The following SPEG variants were observed in gnomAD, a reference collection of about 807,000 sequenced individuals.
SPEG encodes striated muscle preferentially expressed protein kinase.
Under a neutral mutation model 300.4 loss-of-function variants are expected in SPEG, and 114 were observed. That is an observed-to-expected ratio of 0.38 (90% CI 0.33 to 0.44). The LOEUF is 0.44. SPEG is among the 20% of genes least tolerant of loss of function. SPEG has a pLI of 1.00. For missense variants in SPEG, 4,201 were observed against 4,586.2 expected (o/e 0.92, Z 2.43); for synonymous variants, 1,964 against 2,018.9 (o/e 0.97, Z 0.73).
Position 219,486,414 on chromosome 2 carries a change from G to A in SPEG, c.7741+937G>A, listed in dbSNP as rs189072885. On this transcript the variant is annotated intron_variant, in intron 31 of 40. Coordinates refer to ENST00000312358, the MANE Select transcript of SPEG (RefSeq NM_005876.5). ...TAAAACTCAGAATAGAGTGGCTGTC[G>A]AGTCTTGCCTCAGCTGGGCTTATAG... 6.3e-3 allele frequency among the ~76,000 whole-genome samples: 963 copies of A among 152,304 alleles called. 11 individuals carry two copies. Among genetic ancestry groups the A allele is most frequent in the African/African-American group, 0.022 (899 of 41,566 alleles).
At position 219,490,738 on chromosome 2, in the gene SPEG, G is replaced by A. The variant is rs770090654; in HGVS notation, c.9167G>A (p.Arg3056Gln). The part of the protein sequence containing the change: ...ELLCGLSDRF[R>Q]YSEDDVATYM... ...CTCCATCCCTGCCCTCCCAGGTTCC[G>A]GTATTCTGAGGATGACGTGGCCACT... The change falls in exon 38 of 41, where the codon CGG (arginine) becomes CAG (glutamine). Residue 3056 changes from arginine (R) to glutamine (Q), a missense_variant. Around this residue, in one of 4 missense-constraint regions of SPEG, gnomAD observed 318 missense variants for 429.5 expected, o/e 0.74. Transcript: ENST00000312358. 3.8e-5 allele frequency: 61 copies of A among 1,614,020 alleles called. No individual in the cohort carries two copies. The highest frequency in any genetic ancestry group is 2.7e-4 in the African/African-American group (20 of 75,042).
In SPEG at chr2:219,473,758, C is replaced by T. The variant is rs1209056523; in HGVS notation, c.4302C>T (p.Ala1434=). Residue 1434 remains alanine, a synonymous_variant, in exon 18 of 41, where the codon GCC becomes GCT. Transcript: ENST00000312358. This position sits in a 1 kb window ranked among gnomAD's most constrained non-coding sequence, Gnocchi z 4.6. The stretch of plus-strand genomic sequence containing the variant: ...GAGGGGCCCTCCTAGAGGCACGGGC[C>T]GGTGTGTACGAGCTGAGCCAGCCAG... ...SCRGALLEAR[A]GVYELSQPDD... 1.2e-5 allele frequency: 20 copies of T among 1,613,810 alleles called. No individual in the cohort carries two copies. The highest frequency in any genetic ancestry group is 3.3e-4 in the Middle Eastern group (2 of 6,084).
chr2:219,436,627 C>T (rs1954726444), intron 1 of SPEG, among the ~76,000 whole-genome samples: 4 of 152,140 alleles, frequency 2.6e-5, no homozygotes, highest in African/African-American at 7.2e-5. Flanking sequence ...GAGAGGGAGC[C>T]GGGCTGGCCT....
In SPEG at chr2:219,464,918, C is replaced by G. The variant is rs1213645160; in HGVS notation, c.2881+310C>G. On this transcript the variant is annotated intron_variant, in intron 9 of 40. Transcript: ENST00000312358. This position sits in a 1 kb window ranked among gnomAD's most constrained non-coding sequence, Gnocchi z 4.5. ...TGCCACTGGCCAAGCTCTCTCTACA[C>G]TCTTCTGAGCCTTTGTCACCCTGCT... The G allele has an allele frequency of 3.1e-6, 1 of 327,758 alleles. No individual in the cohort carries two copies. The highest frequency in any genetic ancestry group is 2.1e-5 in the African/African-American group (1 of 46,964). 20.3% of individuals were successfully genotyped at this position (327,758 alleles called of 1,614,324 possible). A position where few individuals can be genotyped will look rare whatever the true frequency, so the allele number is the denominator to read the frequency against.
At chr2:219,482,110 A>C in intron 28 of SPEG, 1 of 223,188 alleles carries the variant, frequency 4.5e-6, no homozygotes, top group Non-Finnish European at 8.9e-6. Context: ...CTCGGTTCTC[A>C]CTCATTCATC....
At chr2:219,447,723 G>C (rs933177987) in intron 3 of SPEG, among the ~76,000 whole-genome samples, 1 of 151,894 alleles carries the variant, frequency 6.6e-6, no homozygotes, top group African/African-American at 2.4e-5. Flanking sequence ...GCTGGCCCGA[G>C]TCCTGGGGCT....
At chr2:219,462,674 T>C (rs1247899174) in intron 8 of SPEG, among the ~76,000 whole-genome samples, 1 of 152,234 alleles carries the variant, frequency 6.6e-6, no homozygotes, top group Non-Finnish European at 1.5e-5. Flanking sequence ...CCCAGCATTT[T>C]GAGAGGTGAG....
intron 1 of SPEG, 100 bp downstream of exon 1, chr2:219,435,465 G>A (rs1024622809): frequency 1.7e-5 from 22 of 1,267,572 alleles, no homozygotes; most frequent in Non-Finnish European, 2.2e-5. Context: ...TACTGGTTCC[G>A]CCGCCTTCTT....
In SPEG at chr2:219,484,947, C is replaced by G; in HGVS notation, c.7484C>G (p.Thr2495Arg). The change falls in exon 30 of 41, where the codon ACG becomes AGG. Residue 2495 changes from threonine to arginine, a missense_variant. Coordinates refer to ENST00000312358, the MANE Select transcript of SPEG (RefSeq NM_005876.5). ...TPLFGRLRRA[T>R]SEGESLRRLG... ...CTGTTCGGACGGCTTCGCAGGGCCA[C>G]GTCCGAGGGCGAGAGTCTGCGGCGC... 6 of 1,529,438 alleles carry G rather than the reference C, an allele frequency of 3.9e-6. No individual in the cohort carries two copies. Among genetic ancestry groups the G allele is most frequent in the Non-Finnish European group, 5.2e-6 (6 of 1,144,312 alleles). 94.7% of individuals were successfully genotyped at this position (1,529,438 alleles called of 1,614,324 possible).
chr2:219,436,036 T>C (rs1372070302), intron 1 of SPEG, among the ~76,000 whole-genome samples: 1 of 152,206 alleles, frequency 6.6e-6, no homozygotes, highest in Non-Finnish European at 1.5e-5. Context: ...GGCCCTGGAT[T>C]CTGTGTGGTG....
chr2:219,449,453 C>T (rs1274144656), intron 4 of SPEG, among the ~76,000 whole-genome samples, 182 bp downstream of exon 4: 1 of 152,232 alleles, frequency 6.6e-6, no homozygotes, highest in East Asian at 1.9e-4. Context: ...GAAGGATTGT[C>T]AAAGTCCTTG....
chr2:219,465,912 CGTGTGTGT>C (rs1024847502), intron 9 of SPEG: 2 of 685,252 alleles, frequency 2.9e-6, no homozygotes, highest in Non-Finnish European at 5.0e-6. Flanking sequence ...TGTGTGCATG[CGTGTGTGT>C]GTGCGCGCGT....
In SPEG at chr2:219,468,865, C is replaced by T. The variant is rs56334571; in HGVS notation, c.3308C>T (p.Pro1103Leu). ...CCACCCCTCCTTTCTGCAGGCTGCC[C>T]CATGGAGGAGAGTGAGAACTTGCGG... ...PVVTWTHFGC[P>L]MEESENLRLR... The change falls in exon 12 of 41, where the codon CCC becomes CTC. Residue 1103 changes from proline (P) to leucine (L), a missense_variant. Pro to Leu is a moderately conservative substitution (Grantham distance 98). This residue lies in a region of SPEG where 1,047 missense variants were observed against 1,356.8 expected (regional missense o/e 0.77). Coordinates refer to ENST00000312358, the MANE Select transcript of SPEG (RefSeq NM_005876.5). 1.2e-3 allele frequency: 1,923 copies of T among 1,612,192 alleles called. 10 individuals are homozygous for T. Among genetic ancestry groups the T allele is most frequent in the Non-Finnish European group, 7.5e-4 (880 of 1,179,012 alleles).
At position 219,468,988 on chromosome 2, in the gene SPEG, A is replaced by T. The variant is rs1691628865; in HGVS notation, c.3431A>T (p.Gln1144Leu). The T allele has an allele frequency of 7.4e-6, 12 of 1,613,930 alleles. No individual in the cohort carries two copies. The highest frequency in any genetic ancestry group is 8.5e-6 in the Non-Finnish European group (10 of 1,179,994). Residue 1144 changes from glutamine (Q) to leucine (L), a missense_variant, in exon 12 of 41, where the codon CAG (glutamine) becomes CTG (leucine). Transcript: ENST00000312358. Reference sequence around the variant, plus strand: ...GTCAGTGCTGTTAACACCCATGGCCAGGCCCACTGCTCAGCCCAGCTGTAT... The same window carrying T: ...GTCAGTGCTGTTAACACCCATGGCCTGGCCCACTGCTCAGCCCAGCTGTAT... ...YAVSAVNTHG[Q>L]AHCSAQLYVE...
At chr2:219,468,454 C>A in intron 10 of SPEG, 124 bp from the exon 11 acceptor site, 1 of 1,120,438 alleles carries the variant, frequency 8.9e-7, no homozygotes, top group Admixed American at 2.4e-5. Flanking sequence ...CCTGAGTACC[C>A]AGAGCCTTTG....
In SPEG at chr2:219,483,303, G is replaced by T; in HGVS notation, c.5840G>T (p.Arg1947Leu). 6.2e-7 allele frequency: 1 copy of T among 1,606,260 alleles called. No homozygotes were observed. The highest frequency in any genetic ancestry group is 8.5e-7 in the Non-Finnish European group (1 of 1,176,508). ...RPLQPEFSGS[R>L]VSLTDIPTED... ...CTGCAGCCCGAGTTCTCTGGCTCCC[G>T]GGTGTCCCTCACAGACATTCCCACT... The change falls in exon 30 of 41, where the codon CGG becomes CTG. Residue 1947 changes from arginine (R) to leucine (L), a missense_variant. Coordinates refer to ENST00000312358, the MANE Select transcript of SPEG (RefSeq NM_005876.5).
chr2:219,457,241 G>A (rs1164219500), intron 6 of SPEG, among the ~76,000 whole-genome samples: 1 of 152,172 alleles, frequency 6.6e-6, no homozygotes, highest in Non-Finnish European at 1.5e-5. Flanking sequence ...GCAAATGCTT[G>A]CTAACCTGCA....
At chr2:219,465,662 G>A (rs371334928) in intron 9 of SPEG, 11 of 301,776 alleles carry the variant, frequency 3.6e-5, no homozygotes, top group African/African-American at 8.7e-5. Context: ...CAGGAACCCC[G>A]AGGAACCAGT....
Position 219,469,228 on chromosome 2 carries a change from T to C in SPEG, c.3564T>C (p.Pro1188=), listed in dbSNP as rs10167209. 1,608,711 of 1,613,922 alleles carry C rather than the reference T, an allele frequency of 1. 801,871 individuals carry two copies. Among genetic ancestry groups the C allele is most frequent in the East Asian group, 1 (44,877 of 44,878 alleles). Residue 1188 remains proline (P), a synonymous_variant, in exon 13 of 41, where the codon CCT becomes CCC. Transcript: ENST00000312358. ...GTGAGCTGGAGCGGCTGTCCATTCC[T>C]GACTTCCTGCGGCCACTGCAGGACC... ...EQGELERLSI[P]DFLRPLQDLE...
Sources: gnomAD v4.1 joint callset for allele counts (sites outside exome capture counted in the v4.1 genomes callset) on GRCh38, gnomAD v4.1.1 for gene constraint, gnomAD v4.1.1 regional missense constraint, Gnocchi (gnomAD v3.1) non-coding constraint, MANE v1.5 for transcripts, NCBI Gene and HGNC (gene_info 2026-07-23, HGNC 2026-07-21) for gene names.